Variants in REV1 observed in about 807,000 individuals in gnomAD.
The protein encoded by REV1 is REV1 DNA directed polymerase.
In REV1, 42 loss-of-function variants were observed where a neutral mutation model predicts 137.4. That is an observed-to-expected ratio of 0.31 (90% CI 0.24 to 0.40). The LOEUF (loss-of-function observed/expected upper bound fraction) is 0.40, where lower values mean the gene tolerates loss of function less well. Among genes scored for constraint, REV1 ranks in the 10% least tolerant of loss-of-function variants. REV1 has a pLI of 1.00. For missense variants in REV1, 1,282 were observed against 1,490.1 expected (o/e 0.86, Z 2.30); for synonymous variants, 524 against 519.2 (o/e 1.01, Z -0.12).
chr2:99,479,676 T>C (rs1386634932), intron 1 of REV1, among the ~76,000 whole-genome samples: 4 of 151,826 alleles, frequency 2.6e-5, no homozygotes, highest in African/African-American at 7.3e-5. Flanking sequence ...CACACACCTG[T>C]AGTCAGGAGG....
intron 15 of REV1, 113 bp from the exon 16 acceptor site, chr2:99,406,603 G>C: frequency 1.2e-6 from 1 of 821,384 alleles, no homozygotes; most frequent in Non-Finnish European, 1.8e-6. Flanking sequence ...CCTGTTTCTA[G>C]AATAAAGGTA....
rs28382968 is a variant in REV1 at position 99,403,530 on chromosome 2, TATG to T, written c.3166+162_3166+164del. On this transcript the variant is annotated intron_variant, in intron 19 of 22. Transcript: ENST00000258428. ...GTACAGACACAAATCCAACTAGAAA[TATG>T]ATGATATTTACTCATACTGTATACT... 5.8e-4 allele frequency: 495 copies of T among 851,014 alleles called. 3 individuals carry two copies. The highest frequency in any genetic ancestry group is 5.4e-3 in the East Asian group (213 of 39,284). The allele number at this position is 851,014 out of a possible 1,614,324, so 52.7% of individuals were successfully genotyped here.
intron 3 of REV1, among the ~76,000 whole-genome samples, chr2:99,452,129 G>GA (rs1468043501): frequency 6.6e-6 from 1 of 151,646 alleles, no homozygotes; most frequent in Non-Finnish European, 1.5e-5. Flanking sequence ...GGGTTAATTA[G>GA]AAAAAAAATT....
At chr2:99,426,637 G>C (rs139685779) in intron 9 of REV1, among the ~76,000 whole-genome samples, 67 of 152,272 alleles carry the variant, frequency 4.4e-4, no homozygotes, top group Non-Finnish European at 7.6e-4. Context: ...TGATGGCTGG[G>C]AAATGAGCTT....
chr2:99,446,193 A>C (rs943883159), intron 4 of REV1, among the ~76,000 whole-genome samples: 1 of 152,210 alleles, frequency 6.6e-6, no homozygotes, highest in African/African-American at 2.4e-5. Flanking sequence ...AAAAGAGGAC[A>C]CAAACAGGAT....
chr2:99,482,791 G>A (rs896201498), intron 1 of REV1, among the ~76,000 whole-genome samples: 4 of 151,864 alleles, frequency 2.6e-5, no homozygotes, highest in Non-Finnish European at 4.4e-5. Context: ...CGAGGCAGGC[G>A]GGATCACCTG....
In REV1 at chr2:99,439,169, A is replaced by C; in HGVS notation, c.645T>G (p.Ile215Met). The change falls in exon 6 of 23, where the codon ATT becomes ATG. Residue 215 changes from isoleucine to methionine, a missense_variant. Coordinates refer to ENST00000258428, the MANE Select transcript of REV1 (RefSeq NM_016316.4). ...TGGCAGTGCTCCCTCTGGGATGCGG[A>C]ATTCCATTCTGTTTCCTTCCCGGAG... The part of the protein sequence containing the change: ...QTSPGRKQNG[I>M]PHPRGSTAIF... The C allele has an allele frequency of 6.2e-7, 1 of 1,614,178 alleles. No individual in the cohort carries two copies. The highest frequency in any genetic ancestry group is 8.5e-7 in the Non-Finnish European group (1 of 1,180,028).
chr2:99,448,208 A>C (rs1175438734), intron 4 of REV1, among the ~76,000 whole-genome samples: 1 of 152,194 alleles, frequency 6.6e-6, no homozygotes, highest in Non-Finnish European at 1.5e-5. Context: ...TAATTAGTAA[A>C]AGCAAGAACT....
In REV1 at chr2:99,401,211, A is replaced by T. The variant is rs768852923; in HGVS notation, c.*30T>A. Reference sequence around the variant, plus strand: ...CCTCACAAGCACTTATGGCACAGCTATCAGAGAGCATCAGGCTCTCTGGTA... The same window carrying T: ...CCTCACAAGCACTTATGGCACAGCTTTCAGAGAGCATCAGGCTCTCTGGTA... On this transcript the variant is annotated 3_prime_UTR_variant, in exon 23 of 23. Transcript: ENST00000258428. The T allele has an allele frequency of 7.4e-7, 1 of 1,356,518 alleles. No individual in the cohort carries two copies. Among genetic ancestry groups the T allele is most frequent in the East Asian group, 2.3e-5 (1 of 43,638 alleles). The allele number at this position is 1,356,518 out of a possible 1,614,324, so 84.0% of individuals were successfully genotyped here.
Position 99,452,439 on chromosome 2 carries a change from A to G in REV1, c.182-2935T>C, listed in dbSNP as rs545079691. Among the ~76,000 whole-genome samples the G allele has an allele frequency of 2.6e-4, 39 of 148,122 alleles. No homozygotes were observed. The South Asian group carries it at 8.1e-3, about 31-fold the overall frequency. ...GCCTGTCTAAAAAAAAAAAAAAAGGAAAAGAAAAAAAAAGGGGGAGATAAT... is the reference window on the plus strand; with the variant it reads ...GCCTGTCTAAAAAAAAAAAAAAAGGGAAAGAAAAAAAAAGGGGGAGATAAT... On this transcript the variant is annotated intron_variant, in intron 3 of 22. Coordinates refer to ENST00000258428, the MANE Select transcript of REV1 (RefSeq NM_016316.4).
At chr2:99,467,652 G>A (rs1376088714) in intron 1 of REV1, among the ~76,000 whole-genome samples, 3 of 152,168 alleles carry the variant, frequency 2.0e-5, no homozygotes, top group East Asian at 1.9e-4. Flanking sequence ...AAAGATTGCC[G>A]CAATTGCTAT....
At chr2:99,433,747 T>A (rs554231475) in intron 8 of REV1, among the ~76,000 whole-genome samples, 2 of 152,332 alleles carry the variant, frequency 1.3e-5, no homozygotes, top group East Asian at 3.9e-4. Flanking sequence ...AAGAAAACAT[T>A]TCTCAGTGAA....
At chr2:99,448,384 T>C (rs1482990663) in intron 4 of REV1, among the ~76,000 whole-genome samples, 1 of 152,210 alleles carries the variant, frequency 6.6e-6, no homozygotes, top group Non-Finnish European at 1.5e-5. Context: ...ATAAACCACT[T>C]AAGTTTTAGC....
chr2:99,451,347 G>A (rs564493136), intron 3 of REV1: 14 of 1,266,494 alleles, frequency 1.1e-5, no homozygotes, highest in Admixed American at 5.1e-5. Flanking sequence ...GTACTCACCC[G>A]TCTACTAGCT....
chr2:99,427,231 C>A lies in REV1; in HGVS notation c.1547+2609G>T, dbSNP rs572684665. Among the ~76,000 whole-genome samples the A allele has an allele frequency of 6.6e-5, 10 of 152,250 alleles. No individual in the cohort carries two copies. In the East Asian group the frequency reaches 1.9e-3, roughly 29 times the overall value. ...CCACTGTCACTGTCCATTCTACATA[C>A]TAAAATACATCCATAAAGTAAGAAA... On this transcript the variant is annotated intron_variant, in intron 9 of 22. Coordinates refer to ENST00000258428, the MANE Select transcript of REV1 (RefSeq NM_016316.4).
At chr2:99,463,909 C>T (rs1684516909) in intron 2 of REV1, among the ~76,000 whole-genome samples, 1 of 152,144 alleles carries the variant, frequency 6.6e-6, no homozygotes, top group African/African-American at 2.4e-5. Context: ...CAGGTGTGAG[C>T]CACCACGCCC....
chr2:99,482,190 G>C (rs372891153), intron 1 of REV1, among the ~76,000 whole-genome samples: 40 of 152,356 alleles, frequency 2.6e-4, no homozygotes, highest in African/African-American at 9.4e-4. Flanking sequence ...AAAAACTCCA[G>C]ATGCTGTAGA....
chr2:99,432,954 T>TA (rs1334511295), intron 8 of REV1, among the ~76,000 whole-genome samples: 2 of 152,152 alleles, frequency 1.3e-5, no homozygotes, highest in Non-Finnish European at 2.9e-5. Flanking sequence ...ATTTTAAATG[T>TA]AGGCTGCCGA....
chr2:99,439,167 G>A lies in REV1; in HGVS notation c.647C>T (p.Pro216Leu), dbSNP rs113187279. The A allele has an allele frequency of 5.6e-6, 9 of 1,614,088 alleles. No individual in the cohort carries two copies. Among genetic ancestry groups the A allele is most frequent in the Admixed American group, 5.0e-5 (3 of 60,014 alleles). The change falls in exon 6 of 23, where the codon CCG becomes CTG. Residue 216 changes from proline to leucine, a missense_variant. Pro to Leu is a moderately conservative substitution (Grantham distance 98). Coordinates refer to ENST00000258428, the MANE Select transcript of REV1 (RefSeq NM_016316.4). ...AATGGCAGTGCTCCCTCTGGGATGC[G>A]GAATTCCATTCTGTTTCCTTCCCGG... The part of the protein sequence containing the change: ...TSPGRKQNGI[P>L]HPRGSTAIFN...
Sources: allele counts gnomAD v4.1 joint callset (sites outside exome capture counted in the v4.1 genomes callset), GRCh38; gene constraint gnomAD v4.1.1; transcripts MANE v1.5; gene names NCBI Gene and HGNC (gene_info 2026-07-23, HGNC 2026-07-21).